Variants in PPP1R9A observed in about 807,000 individuals in gnomAD.
PPP1R9A encodes neurabin-1.
In PPP1R9A, 59 loss-of-function variants were observed where a neutral mutation model predicts 141.9. The observed-to-expected ratio is 0.42, with a 90% CI of 0.34 to 0.52. The LOEUF is 0.52. PPP1R9A is among the 20% of genes least tolerant of loss of function. The pLI is 0.10. For synonymous variants in PPP1R9A, 500 were observed against 569.7 expected (o/e 0.88, Z 1.74); for missense variants, 1,444 against 1,611.9 (o/e 0.90, Z 1.78).
chr7:95,007,501 T>A (rs1584244477), intron 2 of PPP1R9A, among the ~76,000 whole-genome samples: 1 of 152,192 alleles, frequency 6.6e-6, no homozygotes, highest in East Asian at 1.9e-4. Flanking sequence ...TTCTCTCATT[T>A]CCCATACATA....
intron 2 of PPP1R9A, among the ~76,000 whole-genome samples, chr7:94,948,255 G>A (rs1450731794): frequency 6.6e-6 from 1 of 152,158 alleles, no homozygotes; most frequent in Non-Finnish European, 1.5e-5. Context: ...TGGTACAGTG[G>A]TGGGGCAGGA....
At chr7:94,932,871 A>G (rs1305967814) in intron 2 of PPP1R9A, among the ~76,000 whole-genome samples, 2 of 150,270 alleles carry the variant, frequency 1.3e-5, no homozygotes, top group Non-Finnish European at 2.9e-5. Flanking sequence ...TGAGAGACAG[A>G]TGGTTGGGAG....
chr7:95,247,425 TA>T, intron 8 of PPP1R9A, 47 bp from the exon 9 acceptor site: 1 of 1,474,880 alleles, frequency 6.8e-7, no homozygotes, highest in Non-Finnish European at 9.4e-7. Context: ...TTTACAAATA[TA>T]GATACACTTT....
chr7:95,085,818 T>G (rs1041809828), intron 2 of PPP1R9A, among the ~76,000 whole-genome samples: 2 of 152,058 alleles, frequency 1.3e-5, no homozygotes, highest in African/African-American at 2.4e-5. Flanking sequence ...TTTTAAATTT[T>G]AATACTATCA....
intron 2 of PPP1R9A, among the ~76,000 whole-genome samples, chr7:94,933,761 T>G (rs1478481650): frequency 6.6e-6 from 1 of 152,182 alleles, no homozygotes; most frequent in Non-Finnish European, 1.5e-5. Context: ...ACCAAGAACT[T>G]AAGCATGGAG....
chr7:95,147,769 A>G (rs1827906197), intron 4 of PPP1R9A, among the ~76,000 whole-genome samples: 1 of 152,050 alleles, frequency 6.6e-6, no homozygotes, highest in African/African-American at 2.4e-5. Flanking sequence ...GGTTTTTGTC[A>G]TTCGTTCTAC....
At position 95,051,057 on chromosome 7, in the gene PPP1R9A, C is replaced by T. The variant is rs181359076; in HGVS notation, c.1396-60202C>T. On this transcript the variant is annotated intron_variant, in intron 2 of 19. Coordinates refer to ENST00000433360, the MANE Select transcript of PPP1R9A (RefSeq NM_001166160.2). The stretch of plus-strand genomic sequence containing the variant: ...CCAGAGTTATCTAGATTTTCTCCTA[C>T]ATTGTCTTCTAGGAGTTTTATAGTT... Among the ~76,000 whole-genome samples, 223 of 152,194 alleles carry T rather than the reference C, an allele frequency of 1.5e-3. 2 individuals are homozygous for T. The highest frequency in any genetic ancestry group is 4.8e-3 in the African/African-American group (198 of 41,546).
intron 2 of PPP1R9A, among the ~76,000 whole-genome samples, chr7:95,102,626 G>A (rs1818938619): frequency 6.6e-6 from 1 of 152,150 alleles, no homozygotes; most frequent in African/African-American, 2.4e-5. Context: ...TGCAGTCCTA[G>A]CTAGGTTGGC....
chr7:95,273,540 G>A (rs1244971101), intron 14 of PPP1R9A, among the ~76,000 whole-genome samples: 1 of 152,232 alleles, frequency 6.6e-6, no homozygotes, highest in African/African-American at 2.4e-5. Flanking sequence ...GGAGGACAGA[G>A]CCCAGGCACT....
chr7:95,164,064 A>G (rs1475090149), intron 5 of PPP1R9A, among the ~76,000 whole-genome samples: 1 of 152,128 alleles, frequency 6.6e-6, no homozygotes, highest in Non-Finnish European at 1.5e-5. Flanking sequence ...GTGTGGACAT[A>G]AGTTTTCTAC....
chr7:95,087,396 A>T (rs1816770542), intron 2 of PPP1R9A, among the ~76,000 whole-genome samples: 1 of 152,066 alleles, frequency 6.6e-6, no homozygotes, highest in Admixed American at 6.5e-5. Flanking sequence ...TAGTCTCTAT[A>T]ATTTTAAACT....
intron 7 of PPP1R9A, among the ~76,000 whole-genome samples, chr7:95,222,317 TGGG>T (rs1794575691): frequency 6.6e-6 from 1 of 152,014 alleles, no homozygotes; most frequent in African/African-American, 2.4e-5. Context: ...AGAAGGAGCA[TGGG>T]CTTTAAAATA....
At chr7:94,917,229 A>T (rs1256391580) in intron 2 of PPP1R9A, among the ~76,000 whole-genome samples, 1 of 152,204 alleles carries the variant, frequency 6.6e-6, no homozygotes, top group Non-Finnish European at 1.5e-5. Context: ...TGTAAAATCA[A>T]ATAATGAAGA....
At chr7:95,059,123 T>C (rs1811881362) in intron 2 of PPP1R9A, among the ~76,000 whole-genome samples, 1 of 152,190 alleles carries the variant, frequency 6.6e-6, no homozygotes, top group Non-Finnish European at 1.5e-5. Flanking sequence ...TAGTTATTCA[T>C]GTATCACCTC....
chr7:94,922,673 C>A (rs905297970), intron 2 of PPP1R9A, among the ~76,000 whole-genome samples: 1 of 152,040 alleles, frequency 6.6e-6, no homozygotes, highest in Non-Finnish European at 1.5e-5. Context: ...CATATTTTTA[C>A]TTTAAAAATA....
At chr7:94,935,224 C>T (rs1400056985) in intron 2 of PPP1R9A, among the ~76,000 whole-genome samples, 1 of 152,140 alleles carries the variant, frequency 6.6e-6, no homozygotes, top group African/African-American at 2.4e-5. Context: ...ATCTCTCCGC[C>T]AAAGTATGAA....
At chr7:95,252,775 AG>A (rs1209332438) in intron 12 of PPP1R9A, among the ~76,000 whole-genome samples, 1 of 152,118 alleles carries the variant, frequency 6.6e-6, no homozygotes, top group African/African-American at 2.4e-5. Flanking sequence ...GCCAAGCTTT[AG>A]AATGTTTAAG....
chr7:95,019,624 C>T (rs767721380), intron 2 of PPP1R9A, among the ~76,000 whole-genome samples: 2 of 152,058 alleles, frequency 1.3e-5, no homozygotes, highest in Non-Finnish European at 2.9e-5. Context: ...AAAGAAAATA[C>T]ATGAATAATC....
chr7:95,103,781 T>G (rs1819140343), intron 2 of PPP1R9A, among the ~76,000 whole-genome samples: 1 of 152,210 alleles, frequency 6.6e-6, no homozygotes, highest in Non-Finnish European at 1.5e-5. Flanking sequence ...TCCTCTGAAC[T>G]TCTCGTGTAA....
Sources: gnomAD v4.1 joint callset for allele counts (sites outside exome capture counted in the v4.1 genomes callset) on GRCh38, gnomAD v4.1.1 for gene constraint, MANE v1.5 for transcripts, NCBI Gene and HGNC (gene_info 2026-07-23, HGNC 2026-07-21) for gene names.